Variants in GALNT10 observed in about 807,000 individuals in gnomAD.
GALNT10 encodes the protein GalNAc transferase 10.
In GALNT10, 41 loss-of-function variants were observed where a neutral mutation model predicts 75.0. The ratio of observed to expected loss-of-function variants is 0.55; its 90% CI spans 0.43 to 0.71. GALNT10 has a LOEUF of 0.71. Ranked by LOEUF, GALNT10 falls within the 30% of genes least tolerant of loss-of-function variation. The pLI, the probability that GALNT10 is intolerant of heterozygous loss-of-function variation, is 0.00. For synonymous variants in GALNT10, 302 were observed against 313.0 expected (o/e 0.96, Z 0.37); for missense variants, 727 against 818.5 (o/e 0.89, Z 1.36).
intron 1 of GALNT10, among the ~76,000 whole-genome samples, chr5:154,251,559 C>A (rs1227265994): frequency 6.6e-6 from 1 of 152,146 alleles, no homozygotes; most frequent in Admixed American, 6.5e-5. Context: ...TAGGGGATGC[C>A]ATGTTTCTAC....
chr5:154,195,730 G>T (rs984813120), intron 1 of GALNT10, among the ~76,000 whole-genome samples: 11 of 152,110 alleles, frequency 7.2e-5, no homozygotes, highest in African/African-American at 2.7e-4. Context: ...TTCACCATGA[G>T]AAATTTTTTC....
At chr5:154,231,873 C>T (rs934768178) in intron 1 of GALNT10, among the ~76,000 whole-genome samples, 1 of 152,160 alleles carries the variant, frequency 6.6e-6, no homozygotes, top group Non-Finnish European at 1.5e-5. Flanking sequence ...TCCAGAAACC[C>T]AGGTTTTGGG....
At chr5:154,292,705 T>G (rs542182242) in intron 1 of GALNT10, among the ~76,000 whole-genome samples, 1 of 152,172 alleles carries the variant, frequency 6.6e-6, no homozygotes, top group Non-Finnish European at 1.5e-5. Flanking sequence ...AAATTTGATA[T>G]CTATTTATTT....
At chr5:154,322,345 G>A (rs188267498) in intron 3 of GALNT10, among the ~76,000 whole-genome samples, 5 of 152,242 alleles carry the variant, frequency 3.3e-5, no homozygotes, top group East Asian at 3.9e-4. Context: ...GCCAGCAACC[G>A]TGGGTGGAGT....
intron 3 of GALNT10, among the ~76,000 whole-genome samples, chr5:154,325,423 A>G (rs1441502088): frequency 2.0e-5 from 3 of 152,204 alleles, no homozygotes; most frequent in East Asian, 1.9e-4. Context: ...CATAACAACT[A>G]TAGACCAGCG....
intron 4 of GALNT10, among the ~76,000 whole-genome samples, chr5:154,342,938 C>G (rs13355235): frequency 0.013 from 2,024 of 152,312 alleles, 42 homozygotes; most frequent in African/African-American, 0.047. Context: ...AAACTGTTTT[C>G]TCCTCACTCA....
intron 1 of GALNT10, among the ~76,000 whole-genome samples, chr5:154,231,076 A>G (rs770232895): frequency 1.3e-5 from 2 of 152,164 alleles, no homozygotes; most frequent in Non-Finnish European, 2.9e-5. Flanking sequence ...GTCCTTATAT[A>G]TAGATGAGAG....
chr5:154,287,623 A>T (rs10069568), intron 1 of GALNT10: 94,492 of 152,028 alleles, frequency 0.62, 29,612 homozygotes, highest in East Asian at 0.78. Context: ...TCCTTCCTTA[A>T]ATACTTGTCT....
chr5:154,318,045 G>A (rs1467165972), intron 3 of GALNT10, among the ~76,000 whole-genome samples: 1 of 152,230 alleles, frequency 6.6e-6, no homozygotes, highest in African/African-American at 2.4e-5. Context: ...GCAGGTGCCT[G>A]TCCTAGAACT....
chr5:154,357,579 G>T (rs1755315269), intron 4 of GALNT10, among the ~76,000 whole-genome samples: 3 of 151,948 alleles, frequency 2.0e-5, no homozygotes, highest in Admixed American at 2.0e-4. Flanking sequence ...TCCTTATTTG[G>T]CCTTCAAAAT....
chr5:154,296,192 T>G (rs1395939176), intron 2 of GALNT10, among the ~76,000 whole-genome samples: 1 of 152,226 alleles, frequency 6.6e-6, no homozygotes, highest in Admixed American at 6.5e-5. Context: ...GTTCAAATGA[T>G]TCTCCTGCCT....
At chr5:154,270,503 C>T (rs562844763) in intron 1 of GALNT10, among the ~76,000 whole-genome samples, 3 of 152,028 alleles carry the variant, frequency 2.0e-5, no homozygotes, top group African/African-American at 7.2e-5. Context: ...CAACATGAGA[C>T]CACTGGTGTC....
chr5:154,379,385 G>A (rs182553348), intron 5 of GALNT10, among the ~76,000 whole-genome samples: 26 of 152,332 alleles, frequency 1.7e-4, no homozygotes, highest in African/African-American at 6.0e-4. Flanking sequence ...AAGCAAAAAT[G>A]CTGTTTTCTT....
At chr5:154,365,246 G>C (rs535699050) in intron 4 of GALNT10, among the ~76,000 whole-genome samples, 1 of 152,260 alleles carries the variant, frequency 6.6e-6, no homozygotes, top group Non-Finnish European at 1.5e-5. Context: ...ATCACCAAAG[G>C]CATGTTCAGG....
At chr5:154,398,030 G>A (rs1205684027) in intron 7 of GALNT10, among the ~76,000 whole-genome samples, 2 of 152,198 alleles carry the variant, frequency 1.3e-5, no homozygotes, top group African/African-American at 4.8e-5. Context: ...AAAGAAGTTT[G>A]CTAATAAAAT....
chr5:154,387,527 G>A (rs371423523), intron 7 of GALNT10: 32 of 152,234 alleles, frequency 2.1e-4, no homozygotes, highest in African/African-American at 7.7e-4. Context: ...AGTGAATTAA[G>A]GCTTTGGTAT....
intron 4 of GALNT10, among the ~76,000 whole-genome samples, chr5:154,335,824 A>C (rs2061830364): frequency 6.6e-6 from 1 of 152,134 alleles, no homozygotes; most frequent in Non-Finnish European, 1.5e-5. Flanking sequence ...ACATCAATAC[A>C]TCACTTTCTC....
intron 4 of GALNT10, among the ~76,000 whole-genome samples, chr5:154,350,460 C>G (rs555120673): frequency 6.6e-6 from 1 of 152,318 alleles, no homozygotes. Context: ...ATCCTTTGAT[C>G]TAGCAATTCC....
chr5:154,293,071 A>G (rs899993015), intron 1 of GALNT10, among the ~76,000 whole-genome samples: 3 of 152,206 alleles, frequency 2.0e-5, no homozygotes, highest in African/African-American at 7.2e-5. Flanking sequence ...AAGAATACAA[A>G]GGATTGTTAT....
Sources: gnomAD v4.1 joint callset for allele counts (sites outside exome capture counted in the v4.1 genomes callset) on GRCh38, gnomAD v4.1.1 for gene constraint, MANE v1.5 for transcripts, NCBI Gene and HGNC (gene_info 2026-07-23, HGNC 2026-07-21) for gene names.